Variants in COL6A5 observed in about 807,000 individuals in gnomAD.
The protein encoded by COL6A5 is collagen type VI alpha 5 chain, also known as collagen alpha-5(VI) chain.
COL6A5 carries 48 observed loss-of-function variants against 65.6 expected under a neutral mutation model. That is an observed-to-expected ratio of 0.73 (90% CI 0.58 to 0.93). The LOEUF is 0.93. COL6A5 is among the 40% of genes least tolerant of loss of function. The pLI, the probability that COL6A5 is intolerant of heterozygous loss-of-function variation, is 0.00. For synonymous variants in COL6A5, 291 were observed against 322.8 expected (o/e 0.90, Z 1.05); for missense variants, 914 against 928.3 (o/e 0.98, Z 0.20).
rs78289031 is a variant in COL6A5, at chr3:130,355,141, G to A, written c.-29+9160G>A. ...TTTCTATCCAATAGTGCTGATGTGG[G>A]TTGCTTTGTATGGCAAAAAGAAGAA... On this transcript the variant is annotated intron_variant and NMD_transcript_variant, in intron 1 of 41. Coordinates refer to the COL6A5 transcript ENST00000312481. Among the ~76,000 whole-genome samples the A allele has an allele frequency of 9.9e-3, 1,508 of 152,024 alleles. 16 individuals are homozygous for A. Among genetic ancestry groups the A allele is most frequent in the South Asian group, 0.08 (386 of 4,810 alleles).
intron 1 of COL6A5, among the ~76,000 whole-genome samples, chr3:130,433,064 G>T (rs906399843): frequency 4.6e-5 from 7 of 152,084 alleles, no homozygotes; most frequent in African/African-American, 1.7e-4. Flanking sequence ...TAAAGAGAAA[G>T]AATCTCTCTA....
chr3:130,348,479 T>G (rs1270545031), intron 1 of COL6A5, among the ~76,000 whole-genome samples: 1 of 152,240 alleles, frequency 6.6e-6, no homozygotes, highest in African/African-American at 2.4e-5. Flanking sequence ...CTGCATAGTA[T>G]TCCATGGTGT....
chr3:130,481,391 C>T (rs1191583904), intron 7 of COL6A5, among the ~76,000 whole-genome samples: 1 of 152,124 alleles, frequency 6.6e-6, no homozygotes, highest in African/African-American at 2.4e-5. Context: ...TTTTTTATGG[C>T]TGCATAGTAT....
chr3:130,376,210 T>C (rs762076745), intron 2 of COL6A5, 27 bp from the exon 3 acceptor site: 3 of 1,538,288 alleles, frequency 2.0e-6, no homozygotes, highest in Non-Finnish European at 2.6e-6. Flanking sequence ...GATAACTTTG[T>C]TTTTGCTTGT....
intron 5 of COL6A5, 101 bp downstream of exon 37, chr3:130,455,767 C>A: frequency 2.1e-6 from 2 of 933,292 alleles, no homozygotes; most frequent in Non-Finnish European, 3.2e-6. Context: ...GTATCTAAAG[C>A]AACTTTTTTT....
Position 130,422,801 on chromosome 3 carries a change from C to A in COL6A5, c.5100+19C>A. The A allele has an allele frequency of 7.1e-7, 1 of 1,407,322 alleles. No individual in the cohort carries two copies. The highest frequency in any genetic ancestry group is 9.5e-7 in the Non-Finnish European group (1 of 1,051,302). The allele number at this position is 1,407,322 out of a possible 1,614,324, so 87.2% of individuals were successfully genotyped here. On this transcript the variant is annotated intron_variant and NMD_transcript_variant, in intron 28 of 41. Coordinates refer to the COL6A5 transcript ENST00000312481. ...ACTAGCAGTAAGTAGCCTATAATTC[C>A]AGAAATGATAAATATTCCTTTGGCA... is the stretch of plus-strand genomic sequence containing the variant.
chr3:130,355,763 G>C (rs1218980777), intron 1 of COL6A5, among the ~76,000 whole-genome samples: 2 of 151,854 alleles, frequency 1.3e-5, no homozygotes, highest in African/African-American at 2.4e-5. Context: ...ATTTAAAAGA[G>C]ATGACAGACG....
intron 24 of COL6A5, 123 bp from the exon 25 acceptor site, chr3:130,418,746 C>A: frequency 1.4e-6 from 1 of 733,404 alleles, no homozygotes; most frequent in Non-Finnish European, 2.5e-6. Context: ...ACACTCATCC[C>A]CTTAGTGAGC....
chr3:130,403,415 G>A (rs565690128), intron 12 of COL6A5, among the ~76,000 whole-genome samples, 194 bp from the exon 13 acceptor site: 14 of 152,252 alleles, frequency 9.2e-5, no homozygotes, highest in Middle Eastern at 3.4e-3. Flanking sequence ...TTCTGCAAGA[G>A]GGGCTTCAGA....
chr3:130,408,178 T>C (rs1337492260), intron 17 of COL6A5, among the ~76,000 whole-genome samples: 1 of 151,990 alleles, frequency 6.6e-6, no homozygotes, highest in Non-Finnish European at 1.5e-5. Flanking sequence ...AGAGTCATAT[T>C]TCTCTTCTTT....
chr3:130,405,879 G>A lies in COL6A5; in HGVS notation c.4354-114G>A, dbSNP rs188052402. 83 of 1,078,130 alleles carry A rather than the reference G, an allele frequency of 7.7e-5. No homozygotes were observed. In the Admixed American group the frequency reaches 1.4e-3, roughly 18 times the overall value. 66.8% of individuals were successfully genotyped at this position (1,078,130 alleles called of 1,614,324 possible). On this transcript the variant is annotated intron_variant and NMD_transcript_variant, in intron 14 of 41. Transcript: ENST00000312481. ...AAATTGCATCTCTAACCTCTTTGTA[G>A]ATGTATAGCCCGAAGCGACTAAAGA...
rs186605416 is a variant in COL6A5 at position 130,439,931 on chromosome 3, G to C, written c.582-235G>C. On this transcript the variant is annotated intron_variant, in intron 2 of 7. Transcript: ENST00000512836. ...CTTGGACATGACTTGTACACTGCAG[G>C]TATCTGTGCTACCTACATCTGCTTT... 2.2e-4 allele frequency among the ~76,000 whole-genome samples: 33 copies of C among 152,232 alleles called. 1 individual carries two copies. The East Asian group carries it at 6.2e-3, about 29-fold the overall frequency.
At chr3:130,430,884 T>C (rs1200119728), upstream of COL6A5, among the ~76,000 whole-genome samples, 2 of 152,238 alleles carry the variant, frequency 1.3e-5, no homozygotes, top group Admixed American at 1.3e-4. Context: ...ACTTGATTCA[T>C]CTTTGCATGC....
At chr3:130,431,454 CT>C (rs1406130785), upstream of COL6A5, 9 of 1,547,338 alleles carry the variant, frequency 5.8e-6, no homozygotes, top group Non-Finnish European at 7.9e-6. Context: ...TTCTGCTTTT[CT>C]TTTTTCTAGA....
intron 8 of COL6A5, among the ~76,000 whole-genome samples, chr3:130,397,000 C>G (rs1046279459): frequency 5.3e-5 from 8 of 152,260 alleles, no homozygotes; most frequent in African/African-American, 1.9e-4. Flanking sequence ...ATAGCTGGGA[C>G]TACAGGCGCC....
At chr3:130,428,003 G>T (rs1577499477), upstream of COL6A5, among the ~76,000 whole-genome samples, 1 of 152,114 alleles carries the variant, frequency 6.6e-6, no homozygotes, top group East Asian at 1.9e-4. Context: ...CTTTCCTCAT[G>T]TTGCCAGTCT....
At chr3:130,444,577 T>C (rs1206047434) in intron 4 of COL6A5, among the ~76,000 whole-genome samples, 1 of 152,150 alleles carries the variant, frequency 6.6e-6, no homozygotes, top group East Asian at 1.9e-4. Context: ...TTTCTTTTTA[T>C]ATAAATGTGC....
chr3:130,457,025 C>T (rs1351369197), intron 5 of COL6A5, among the ~76,000 whole-genome samples: 2 of 151,654 alleles, frequency 1.3e-5, no homozygotes, highest in East Asian at 3.9e-4. Context: ...CATGTAGTAC[C>T]ATGGCATTAA....
intron 6 of COL6A5, among the ~76,000 whole-genome samples, chr3:130,470,501 T>C (rs1709920501): frequency 6.6e-6 from 1 of 151,490 alleles, no homozygotes; most frequent in Non-Finnish European, 1.5e-5. Flanking sequence ...GCTAATAGAG[T>C]CTTCTCCCAG....
Sources: gnomAD v4.1 joint callset for allele counts (sites outside exome capture counted in the v4.1 genomes callset) on GRCh38, gnomAD v4.1.1 for gene constraint, MANE v1.5 for transcripts, NCBI Gene and HGNC (gene_info 2026-07-23, HGNC 2026-07-21) for gene names.